The following CDH12 variants were observed in gnomAD, a reference collection of about 807,000 sequenced individuals.
CDH12 encodes the protein cadherin 12.
Under a neutral mutation model 74.1 loss-of-function variants are expected in CDH12, and 41 were observed. The observed-to-expected ratio is 0.55, with a 90% confidence interval of 0.43 to 0.72. The LOEUF (loss-of-function observed/expected upper bound fraction) is 0.72, where lower values mean the gene tolerates loss of function less well. Among genes scored for constraint, CDH12 ranks in the 30% least tolerant of loss-of-function variants. The pLI, the probability that CDH12 is intolerant of heterozygous loss-of-function variation, is 0.00. For synonymous variants in CDH12, 399 were observed against 355.0 expected (o/e 1.12, Z -1.39); for missense variants, 945 against 977.2 (o/e 0.97, Z 0.44).
chr5:21,944,715 C>T (rs1755490106), intron 6 of CDH12, among the ~76,000 whole-genome samples: 1 of 152,100 alleles, frequency 6.6e-6, no homozygotes, highest in Non-Finnish European at 1.5e-5. Context: ...TATGAGTTGG[C>T]CCCTACTCAC....
intron 2 of CDH12, among the ~76,000 whole-genome samples, chr5:22,479,188 T>C (rs1347122153): frequency 1.3e-5 from 2 of 152,246 alleles, no homozygotes; most frequent in South Asian, 2.1e-4. Context: ...CTGAAGATAA[T>C]AAGATTACTT....
intron 3 of CDH12, among the ~76,000 whole-genome samples, chr5:22,240,335 C>A (rs73062571): frequency 6.6e-6 from 1 of 152,108 alleles, no homozygotes; most frequent in Non-Finnish European, 1.5e-5. Context: ...AGTGTAACTA[C>A]TCTCATGTCC....
chr5:22,147,319 T>G (rs551771178), intron 4 of CDH12, among the ~76,000 whole-genome samples: 84 of 152,278 alleles, frequency 5.5e-4, no homozygotes, highest in Non-Finnish European at 9.4e-4. Flanking sequence ...TCTTGTTCCC[T>G]TTGGAGGATG....
rs554444432 is a variant in CDH12, at chr5:22,497,439, C to A, written c.-428+7831G>T. ...TCTCAACCTTCCTTCCTTTGCTCACCCGTTATTCTGCTGTATCTCTGTTCC... is the reference window on the plus strand; with the variant it reads ...TCTCAACCTTCCTTCCTTTGCTCACACGTTATTCTGCTGTATCTCTGTTCC... On this transcript the variant is annotated intron_variant, in intron 2 of 14. Transcript: ENST00000382254. 5.3e-5 allele frequency among the ~76,000 whole-genome samples: 8 copies of A among 152,126 alleles called. No homozygotes were observed. The South Asian group carries it at 1.5e-3, about 28-fold the overall frequency.
chr5:21,812,191 C>T (rs973835002), intron 9 of CDH12, among the ~76,000 whole-genome samples: 3 of 151,960 alleles, frequency 2.0e-5, no homozygotes, highest in African/African-American at 7.2e-5. Context: ...ATGCCTCATT[C>T]CTCTATTGCA....
At chr5:21,882,965 G>A in intron 6 of CDH12, 1 of 1,600,246 alleles carries the variant, frequency 6.2e-7, no homozygotes, top group Non-Finnish European at 8.6e-7. Flanking sequence ...CTATAGCCAA[G>A]GAAGGCTTCC....
intron 6 of CDH12, among the ~76,000 whole-genome samples, chr5:21,880,613 T>TCTCTC (rs1561268361): frequency 4.4e-4 from 39 of 88,510 alleles, no homozygotes; most frequent in African/African-American, 1.7e-3. Flanking sequence ...CCTTCCTTCC[T>TCTCTC]TCCTTCTTTC....
At chr5:21,885,120 C>T (rs78100315) in intron 6 of CDH12, among the ~76,000 whole-genome samples, 1 of 152,180 alleles carries the variant, frequency 6.6e-6, no homozygotes, top group South Asian at 2.1e-4. Flanking sequence ...CTCCTGACCT[C>T]AGGTGATCCA....
At chr5:22,466,778 T>TA (rs1358675342) in intron 2 of CDH12, among the ~76,000 whole-genome samples, 16 of 42,302 alleles carry the variant, frequency 3.8e-4, no homozygotes, top group Non-Finnish European at 6.3e-4. Flanking sequence ...TCAGGAATCT[T>TA]TTTTTTTTTT....
At position 22,331,080 on chromosome 5, in the gene CDH12, G is replaced by GA. The variant is rs538550951; in HGVS notation, c.-333+74176dup. On this transcript the variant is annotated intron_variant, in intron 3 of 14. Coordinates refer to ENST00000382254, the MANE Select transcript of CDH12 (RefSeq NM_004061.5). ...GAGGCTCCTCTGCCTGTGGAAAGGG[G>GA]AAAAAATAACAAGACTGGCTTTGCA... 9.9e-5 allele frequency among the ~76,000 whole-genome samples: 15 copies of GA among 152,264 alleles called. 1 individual carries two copies. The South Asian group carries it at 2.5e-3, about 25-fold the overall frequency.
chr5:22,487,055 G>A (rs1206869971), intron 2 of CDH12, among the ~76,000 whole-genome samples: 1 of 112,796 alleles, frequency 8.9e-6, no homozygotes, highest in Admixed American at 1.0e-4. Flanking sequence ...TTTTTTGTGT[G>A]TGTGTGGCAT....
intron 1 of CDH12, among the ~76,000 whole-genome samples, chr5:22,711,364 A>G (rs183657445): frequency 1.3e-5 from 2 of 152,266 alleles, no homozygotes; most frequent in Non-Finnish European, 2.9e-5. Flanking sequence ...GGGCATAGAC[A>G]TAGTTCTAGA....
At chr5:22,342,942 A>T (rs1739940243) in intron 3 of CDH12, among the ~76,000 whole-genome samples, 1 of 151,746 alleles carries the variant, frequency 6.6e-6, no homozygotes, top group South Asian at 2.1e-4. Context: ...TCCGCCTCTC[A>T]GGTTAAAGGG....
At chr5:22,007,527 G>C (rs1351107131) in intron 5 of CDH12, among the ~76,000 whole-genome samples, 2 of 152,066 alleles carry the variant, frequency 1.3e-5, no homozygotes, top group East Asian at 1.9e-4. Context: ...CTTCCACTAA[G>C]CCTATTTTAG....
intron 1 of CDH12, among the ~76,000 whole-genome samples, chr5:22,662,125 C>T (rs1025010779): frequency 2.0e-5 from 3 of 151,980 alleles, no homozygotes; most frequent in Admixed American, 1.3e-4. Flanking sequence ...CCTAATCATA[C>T]CAAAAAGTTC....
At chr5:22,666,282 C>CT (rs1161509257) in intron 1 of CDH12, among the ~76,000 whole-genome samples, 5,919 of 83,332 alleles carry the variant, frequency 0.071, 402 homozygotes, top group Non-Finnish European at 0.085. Flanking sequence ...ATCTCTCTAT[C>CT]TTTTTTTTTT....
chr5:21,833,083 A>C (rs1429891311), intron 8 of CDH12, among the ~76,000 whole-genome samples: 3 of 46,910 alleles, frequency 6.4e-5, no homozygotes, highest in Non-Finnish European at 1.2e-4. Flanking sequence ...TATATATTAT[A>C]TTATAAATAT....
chr5:22,390,583 T>C (rs905732644), intron 3 of CDH12, among the ~76,000 whole-genome samples: 26 of 122,114 alleles, frequency 2.1e-4, no homozygotes, highest in Admixed American at 2.0e-3. Context: ...GAGAGATAGA[T>C]AGATAGATAG....
chr5:21,845,908 A>G (rs1452925168), intron 7 of CDH12, among the ~76,000 whole-genome samples: 2 of 152,058 alleles, frequency 1.3e-5, no homozygotes, highest in East Asian at 3.9e-4. Context: ...AGCAGACTGA[A>G]AAATTGAGCT....
Sources: allele counts gnomAD v4.1 joint callset (sites outside exome capture counted in the v4.1 genomes callset), GRCh38; gene constraint gnomAD v4.1.1; transcripts MANE v1.5; gene names NCBI Gene and HGNC (gene_info 2026-07-23, HGNC 2026-07-21).